The following FHIT variants were observed in gnomAD, a reference collection of about 807,000 sequenced individuals.
The protein encoded by FHIT is bis(5'-adenosyl)-triphosphatase.
Under a neutral mutation model 17.9 loss-of-function variants are expected in FHIT, and 19 were observed. The observed-to-expected ratio is 1.06, with a 90% CI of 0.74 to 1.56. FHIT has a LOEUF of 1.56. FHIT is among the 40% of genes most tolerant of loss of function. FHIT has a pLI of 0.00. For missense variants in FHIT, 248 were observed against 189.2 expected, an observed-to-expected ratio of 1.31 and a Z score of -1.82; for synonymous variants, 81 against 69.7, an observed-to-expected ratio of 1.16 and a Z score of -0.81.
At chr3:60,292,552 C>T (rs1708034866) in intron 5 of FHIT, among the ~76,000 whole-genome samples, 1 of 152,054 alleles carries the variant, frequency 6.6e-6, no homozygotes, top group Non-Finnish European at 1.5e-5. Context: ...CCTTAGAAGC[C>T]AGGATAAGAG....
chr3:60,063,298 T>C (rs1702368308), intron 5 of FHIT, among the ~76,000 whole-genome samples: 1 of 152,180 alleles, frequency 6.6e-6, no homozygotes, highest in Non-Finnish European at 1.5e-5. Context: ...TTTTGACAGT[T>C]ACTAAATGAG....
intron 5 of FHIT, among the ~76,000 whole-genome samples, chr3:60,204,690 G>C (rs28511287): frequency 0.014 from 2,186 of 152,158 alleles, 58 homozygotes; most frequent in African/African-American, 0.049. Flanking sequence ...AAAACAATGA[G>C]ATGTCATTTA....
At chr3:59,980,462 G>C (rs1559517471) in intron 7 of FHIT, among the ~76,000 whole-genome samples, 1 of 152,182 alleles carries the variant, frequency 6.6e-6, no homozygotes, top group Non-Finnish European at 1.5e-5. Flanking sequence ...GTTATAATTA[G>C]CCCTCATTCT....
intron 5 of FHIT, among the ~76,000 whole-genome samples, chr3:60,278,091 G>A (rs1354698874): frequency 1.3e-5 from 2 of 152,152 alleles, no homozygotes; most frequent in Non-Finnish European, 2.9e-5. Context: ...ATACGAACAC[G>A]TGTATGATAA....
chr3:60,517,680 C>T (rs1048093176), intron 5 of FHIT, among the ~76,000 whole-genome samples: 5 of 152,100 alleles, frequency 3.3e-5, no homozygotes, highest in South Asian at 2.1e-4. Context: ...AGCACCATAA[C>T]GTCATATTGA....
Position 60,172,574 on chromosome 3 carries a change from A to G in FHIT, c.104-158422T>C, listed in dbSNP as rs144532343. On this transcript the variant is annotated intron_variant, in intron 5 of 9. Transcript: ENST00000492590. ...TAAAGGCGTGAGCCACTGCACCAGG[A>G]CTGAAGTGTGTTTTGTTAGAATAAG... Among the ~76,000 whole-genome samples the G allele has an allele frequency of 8.0e-3, 1,221 of 152,142 alleles. 15 individuals carry two copies. The highest frequency in any genetic ancestry group is 0.028 in the African/African-American group (1,172 of 41,510).
intron 4 of FHIT, among the ~76,000 whole-genome samples, chr3:60,788,638 A>C (rs1700665416): frequency 6.6e-6 from 1 of 152,146 alleles, no homozygotes; most frequent in Non-Finnish European, 1.5e-5. Flanking sequence ...TGTGCTATGC[A>C]TCTCCAGGGC....
intron 2 of FHIT, among the ~76,000 whole-genome samples, chr3:61,116,941 T>A (rs1393404377): frequency 2.0e-5 from 3 of 152,160 alleles, no homozygotes; most frequent in Non-Finnish European, 4.4e-5. Flanking sequence ...TTTTGGTACA[T>A]AAAGTCAAGT....
At chr3:60,545,270 T>C (rs146964728) in intron 4 of FHIT, among the ~76,000 whole-genome samples, 51 of 152,310 alleles carry the variant, frequency 3.3e-4, no homozygotes, top group Non-Finnish European at 5.7e-4. Flanking sequence ...TCATCTGTTA[T>C]TCAAAAGTAA....
At chr3:60,523,445 A>G (rs2035450299) in intron 5 of FHIT, among the ~76,000 whole-genome samples, 1 of 151,720 alleles carries the variant, frequency 6.6e-6, no homozygotes, top group Admixed American at 6.6e-5. Context: ...AATTTCCTTG[A>G]TTATTATAGA....
intron 4 of FHIT, among the ~76,000 whole-genome samples, chr3:60,635,285 A>AC (rs2039552896): frequency 1.3e-5 from 2 of 151,142 alleles, no homozygotes; most frequent in African/African-American, 4.9e-5. Flanking sequence ...AGCCAGAATC[A>AC]CATTTTTCTT....
At chr3:60,338,770 C>T (rs745721765) in intron 5 of FHIT, among the ~76,000 whole-genome samples, 2 of 152,134 alleles carry the variant, frequency 1.3e-5, no homozygotes, top group Non-Finnish European at 2.9e-5. Flanking sequence ...GAATAAACTG[C>T]CTATTTATTT....
At chr3:60,617,562 AG>A (rs1176912925) in intron 4 of FHIT, 1 of 152,708 alleles carries the variant, frequency 6.5e-6, no homozygotes, top group East Asian at 1.9e-4. Flanking sequence ...GAATTTTTAC[AG>A]GCAAGTTTCA....
chr3:61,041,877 T>C (rs941596009), intron 3 of FHIT, among the ~76,000 whole-genome samples, 170 bp downstream of exon 3: 11 of 152,236 alleles, frequency 7.2e-5, no homozygotes, highest in East Asian at 1.9e-4. Context: ...GTGTAGTTCT[T>C]GAAAGTATAG....
At chr3:60,631,943 CT>C (rs2039454615) in intron 4 of FHIT, among the ~76,000 whole-genome samples, 1 of 152,136 alleles carries the variant, frequency 6.6e-6, no homozygotes, top group African/African-American at 2.4e-5. Flanking sequence ...ACTGGGCAGA[CT>C]ACCAGCATCT....
intron 5 of FHIT, among the ~76,000 whole-genome samples, chr3:60,171,782 T>C (rs1320131240): frequency 6.6e-6 from 1 of 152,178 alleles, no homozygotes; most frequent in Admixed American, 6.5e-5. Flanking sequence ...TACAGTTCAC[T>C]GTAGCCTCGA....
At chr3:59,956,817 G>A (rs994836392) in intron 7 of FHIT, among the ~76,000 whole-genome samples, 1 of 152,170 alleles carries the variant, frequency 6.6e-6, no homozygotes, top group Non-Finnish European at 1.5e-5. Flanking sequence ...CCTGGCAGAA[G>A]AAAAACACTC....
intron 5 of FHIT, among the ~76,000 whole-genome samples, chr3:60,441,702 TTATATA>T (rs10575692): frequency 3.5e-4 from 29 of 82,960 alleles, no homozygotes; most frequent in African/African-American, 9.8e-4. Flanking sequence ...CTGTAGGTAT[TTATATA>T]TATATATATA....
intron 4 of FHIT, among the ~76,000 whole-genome samples, chr3:60,763,496 G>T (rs560965526): frequency 1.6e-4 from 25 of 152,316 alleles, no homozygotes; most frequent in African/African-American, 5.5e-4. Context: ...TCTACCCTGT[G>T]AAGGTAGGTA....
Sources: gnomAD v4.1 joint callset for allele counts (sites outside exome capture counted in the v4.1 genomes callset) on GRCh38, gnomAD v4.1.1 for gene constraint, MANE v1.5 for transcripts, NCBI Gene and HGNC (gene_info 2026-07-23, HGNC 2026-07-21) for gene names.